The following TEX36 variants were observed in gnomAD, a reference collection of about 807,000 sequenced individuals.
The protein encoded by TEX36 is testis-expressed protein 36.
Under a neutral mutation model 13.6 loss-of-function variants are expected in TEX36, and 12 were observed. The ratio of observed to expected loss-of-function variants is 0.88; its 90% confidence interval spans 0.56 to 1.43. TEX36 has a LOEUF of 1.43. TEX36 is among the 40% of genes most tolerant of loss of function. The pLI is 0.00. For synonymous variants in TEX36, 93 were observed against 83.0 expected (o/e 1.12, Z -0.65); for missense variants, 224 against 228.3 (o/e 0.98, Z 0.12).
At chr10:125,678,641 G>A (rs1285377755) in intron 1 of TEX36, among the ~76,000 whole-genome samples, 1 of 152,102 alleles carries the variant, frequency 6.6e-6, no homozygotes, top group Non-Finnish European at 1.5e-5. Context: ...CCTGAGTGGT[G>A]TGCATTGATG....
chr10:125,669,373 G>A (rs1013356915), intron 1 of TEX36, among the ~76,000 whole-genome samples: 28 of 152,006 alleles, frequency 1.8e-4, no homozygotes, highest in African/African-American at 5.3e-4. Flanking sequence ...CCAGCTACTC[G>A]GAAGGCTGAG....
At chr10:125,609,087 G>A (rs373439579) in intron 3 of TEX36, among the ~76,000 whole-genome samples, 30 of 151,434 alleles carry the variant, frequency 2.0e-4, no homozygotes, top group East Asian at 7.7e-4. Context: ...CCTGGGAGGC[G>A]GAAGTTGCAG....
chr10:125,666,872 C>T, intron 1 of TEX36: 2 of 379,190 alleles, frequency 5.3e-6, no homozygotes, highest in Non-Finnish European at 1.0e-5. Flanking sequence ...GGAACACCTC[C>T]ACTTAGTAGG....
intron 3 of TEX36, among the ~76,000 whole-genome samples, chr10:125,611,986 G>C (rs994582004): frequency 2.4e-4 from 36 of 151,948 alleles, no homozygotes; most frequent in African/African-American, 7.0e-4. Flanking sequence ...GTGATTCTTT[G>C]ATTAATGTTT....
Position 125,608,203 on chromosome 10 carries a change from C to G in TEX36, c.265-31329G>C, listed in dbSNP as rs146518719. Among the ~76,000 whole-genome samples, 1,205 of 152,184 alleles carry G rather than the reference C, an allele frequency of 7.9e-3. 7 individuals are homozygous for G. The highest frequency in any genetic ancestry group is 0.031 in the Middle Eastern group (9 of 294). ...GAGGATGTGGGTCCTGTGAGTGTTGCTGTATGTGAAACCACCCCAAAGCTT... is the reference window on the plus strand; with the variant it reads ...GAGGATGTGGGTCCTGTGAGTGTTGGTGTATGTGAAACCACCCCAAAGCTT... On this transcript the variant is annotated intron_variant, in intron 3 of 3. Transcript: ENST00000532135.
At chr10:125,661,163 G>A in intron 2 of TEX36, 62 bp from the exon 3 acceptor site, 1 of 1,361,718 alleles carries the variant, frequency 7.3e-7, no homozygotes, top group Non-Finnish European at 1.0e-6. Flanking sequence ...TTCAGAACTG[G>A]GATCGGGTGA....
intron 3 of TEX36, among the ~76,000 whole-genome samples, chr10:125,579,786 G>A (rs1252670918): frequency 6.6e-6 from 1 of 152,020 alleles, no homozygotes; most frequent in Non-Finnish European, 1.5e-5. Context: ...TGTAAGACAT[G>A]CCTGCTTCCC....
chr10:125,661,380 C>T (rs1272628106), intron 2 of TEX36, among the ~76,000 whole-genome samples: 1 of 152,198 alleles, frequency 6.6e-6, no homozygotes, highest in Admixed American at 6.5e-5. Context: ...GAAAAGTGTA[C>T]AGGCTCATGG....
downstream of TEX36, chr10:125,655,593 G>A: frequency 3.4e-6 from 3 of 872,822 alleles, no homozygotes; most frequent in Non-Finnish European, 4.3e-6. Context: ...TGGAGATGTG[G>A]TGAAATCAAG....
At chr10:125,650,683 A>G (rs11816794) in intron 3 of TEX36, among the ~76,000 whole-genome samples, 13,855 of 152,188 alleles carry the variant, frequency 0.091, 1,051 homozygotes, top group African/African-American at 0.2. Flanking sequence ...GACACAAAAA[A>G]CCCTTCAAAA....
chr10:125,581,762 A>G (rs780332488), intron 3 of TEX36, among the ~76,000 whole-genome samples: 1 of 152,220 alleles, frequency 6.6e-6, no homozygotes, highest in Non-Finnish European at 1.5e-5. Context: ...TTTTGAGAGA[A>G]GTGGTCACTG....
intron 3 of TEX36, among the ~76,000 whole-genome samples, chr10:125,590,154 G>C (rs574936026): frequency 6.6e-6 from 1 of 151,622 alleles, no homozygotes; most frequent in South Asian, 2.1e-4. Flanking sequence ...TTGCTCTGTC[G>C]CACAGGCTGG....
intron 3 of TEX36, among the ~76,000 whole-genome samples, chr10:125,631,974 G>A (rs1007531846): frequency 2.0e-5 from 3 of 152,232 alleles, no homozygotes; most frequent in East Asian, 1.9e-4. Context: ...GTGTGGTGGC[G>A]TGTGGAGGAG....
At chr10:125,631,737 G>A (rs995353897) in intron 3 of TEX36, among the ~76,000 whole-genome samples, 16 of 152,282 alleles carry the variant, frequency 1.1e-4, no homozygotes, top group African/African-American at 3.1e-4. Context: ...AAGGCCCAGC[G>A]ATGTCAACGC....
At chr10:125,593,724 A>G (rs1262178809) in intron 3 of TEX36, among the ~76,000 whole-genome samples, 1 of 152,218 alleles carries the variant, frequency 6.6e-6, no homozygotes, top group African/African-American at 2.4e-5. Context: ...TCATACAGAC[A>G]GAAAGTAGAA....
chr10:125,617,168 G>C (rs2133556499), downstream of TEX36, among the ~76,000 whole-genome samples: 1 of 151,468 alleles, frequency 6.6e-6, no homozygotes, highest in African/African-American at 2.4e-5. Flanking sequence ...TTTATTTTGA[G>C]CCTATGTGTG....
intron 3 of TEX36, among the ~76,000 whole-genome samples, chr10:125,599,600 A>T (rs1846121133): frequency 6.6e-6 from 1 of 152,238 alleles, no homozygotes; most frequent in Non-Finnish European, 1.5e-5. Context: ...AAGATGGCGC[A>T]TATGAGCACC....
At chr10:125,666,139 G>A (rs1847117737) in intron 1 of TEX36, among the ~76,000 whole-genome samples, 1 of 151,960 alleles carries the variant, frequency 6.6e-6, no homozygotes, top group Non-Finnish European at 1.5e-5. Context: ...CATGTCCTCA[G>A]CAAAAAGAGA....
In TEX36 at chr10:125,675,403, C is replaced by G. The variant is rs192722291; in HGVS notation, c.51+7536G>C. 1.4e-3 allele frequency among the ~76,000 whole-genome samples: 207 copies of G among 150,824 alleles called. 1 individual carries two copies. The highest frequency in any genetic ancestry group is 4.8e-3 in the African/African-American group (195 of 41,050). On this transcript the variant is annotated intron_variant, in intron 1 of 3. Coordinates refer to ENST00000368821, the MANE Select transcript of TEX36 (RefSeq NM_001128202.3). The stretch of plus-strand genomic sequence containing the variant: ...TGGGGAGTTCAGTCGTCTTAGGCAG[C>G]AGGCACCCACGGTGATGATGGCCAC...
Sources: gnomAD v4.1 joint callset for allele counts (sites outside exome capture counted in the v4.1 genomes callset) on GRCh38, gnomAD v4.1.1 for gene constraint, MANE v1.5 for transcripts, NCBI Gene and HGNC (gene_info 2026-07-23, HGNC 2026-07-21) for gene names.